MSH3: variants seen among roughly 807,000 people sequenced by gnomAD.
MSH3 encodes DNA mismatch repair protein Msh3.
MSH3 carries 106 observed loss-of-function variants against 123.3 expected under a neutral mutation model. The ratio of observed to expected loss-of-function variants is 0.86; its 90% CI spans 0.73 to 1.01. The LOEUF is 1.01. Among genes scored for constraint, MSH3 ranks in the 50% least tolerant of loss-of-function variants. The pLI is 0.00. For synonymous variants in MSH3, 515 were observed against 481.4 expected, an observed-to-expected ratio of 1.07 and a Z score of -0.91; for missense variants, 1,459 against 1,347.6, an observed-to-expected ratio of 1.08 and a Z score of -1.29.
chr5:80,784,572 C>CT (rs2112016268), intron 17 of MSH3, among the ~76,000 whole-genome samples: 1 of 152,262 alleles, frequency 6.6e-6, no homozygotes, highest in East Asian at 1.9e-4. Flanking sequence ...CAATTACACT[C>CT]TTTAAGCCAC....
chr5:80,681,323 T>C (rs1378434103), intron 8 of MSH3, among the ~76,000 whole-genome samples: 1 of 152,104 alleles, frequency 6.6e-6, no homozygotes, highest in Non-Finnish European at 1.5e-5. Context: ...TAGGCTTCTA[T>C]ATTGTATTTT....
At chr5:80,684,173 T>C (rs941818236) in intron 8 of MSH3, among the ~76,000 whole-genome samples, 62 of 152,196 alleles carry the variant, frequency 4.1e-4, no homozygotes, top group African/African-American at 1.4e-3. Flanking sequence ...TCTGAGTCTT[T>C]CGTTGCTCAT....
At chr5:80,659,375 C>T (rs988171211) in intron 2 of MSH3, among the ~76,000 whole-genome samples, 4 of 152,172 alleles carry the variant, frequency 2.6e-5, no homozygotes, top group African/African-American at 7.2e-5. Context: ...CAAAAGAAAC[C>T]CTGTGCCCAT....
At chr5:80,728,826 C>G (rs765451824) in intron 9 of MSH3, 25 bp from the exon 10 acceptor site, 1 of 1,190,298 alleles carries the variant, frequency 8.4e-7, no homozygotes. Flanking sequence ...ATTTTTATAA[C>G]AAGTTAATAT....
intron 20 of MSH3, among the ~76,000 whole-genome samples, chr5:80,821,582 A>G (rs1202930789): frequency 6.6e-6 from 1 of 152,234 alleles, no homozygotes; most frequent in Non-Finnish European, 1.5e-5. Flanking sequence ...CAGATTATAG[A>G]GATTTAAATA....
chr5:80,709,949 T>C (rs939101396), intron 8 of MSH3, among the ~76,000 whole-genome samples: 4 of 152,204 alleles, frequency 2.6e-5, no homozygotes, highest in African/African-American at 9.6e-5. Context: ...AATTTGTGGC[T>C]ACTGAAAATA....
chr5:80,690,597 G>A (rs1191610240), intron 8 of MSH3, among the ~76,000 whole-genome samples: 6 of 152,110 alleles, frequency 3.9e-5, no homozygotes, highest in Non-Finnish European at 1.5e-5. Flanking sequence ...GATTACAGAC[G>A]TGAGCCACTG....
chr5:80,769,431 T>C (rs946404512), intron 15 of MSH3, among the ~76,000 whole-genome samples: 1 of 151,928 alleles, frequency 6.6e-6, no homozygotes, highest in African/African-American at 2.4e-5. Context: ...AGAGTATAGC[T>C]GCTAAAAAAA....
At chr5:80,773,996 G>A (rs1178279158) in intron 15 of MSH3, among the ~76,000 whole-genome samples, 1 of 152,108 alleles carries the variant, frequency 6.6e-6, no homozygotes, top group Non-Finnish European at 1.5e-5. Flanking sequence ...TTAAACTCCT[G>A]ACCTCAGGTA....
chr5:80,721,682 G>A (rs1323775120), intron 8 of MSH3, among the ~76,000 whole-genome samples: 1 of 152,110 alleles, frequency 6.6e-6, no homozygotes, highest in Non-Finnish European at 1.5e-5. Flanking sequence ...GTGGGTTTTA[G>A]TTTGGTTATT....
chr5:80,669,497 G>C lies in MSH3; in HGVS notation c.580-600G>C, dbSNP rs3822707. Among the ~76,000 whole-genome samples the C allele has an allele frequency of 1.2e-4, 19 of 152,348 alleles. No homozygotes were observed. The East Asian group carries it at 3.7e-3, about 29-fold the overall frequency. On this transcript the variant is annotated intron_variant, in intron 3 of 23. Coordinates refer to ENST00000265081, the MANE Select transcript of MSH3 (RefSeq NM_002439.5). ...ATTATGGTTCCTCACAGAAAGGTAA[G>C]AATAGTAGGAGTACTAATGTTGAAA...
At chr5:80,781,845 A>G (rs1244438604) in intron 17 of MSH3, among the ~76,000 whole-genome samples, 1 of 152,034 alleles carries the variant, frequency 6.6e-6, no homozygotes, top group East Asian at 1.9e-4. Context: ...TGGGCCTTCT[A>G]CTAGGTTGAC....
At chr5:80,850,785 G>A (rs1745818609) in intron 20 of MSH3, among the ~76,000 whole-genome samples, 1 of 152,070 alleles carries the variant, frequency 6.6e-6, no homozygotes, top group South Asian at 2.1e-4. Context: ...CTTCCTCTAT[G>A]GTACTTGTTC....
chr5:80,680,032 C>T (rs944831001), intron 8 of MSH3, among the ~76,000 whole-genome samples: 4 of 151,838 alleles, frequency 2.6e-5, no homozygotes, highest in African/African-American at 4.8e-5. Context: ...GAGGCTGAGG[C>T]GGGTGGATCA....
intron 12 of MSH3, among the ~76,000 whole-genome samples, chr5:80,751,605 C>T (rs140348635): frequency 1.2e-4 from 18 of 152,288 alleles, no homozygotes; most frequent in African/African-American, 4.3e-4. Context: ...TGATCTCTGC[C>T]TTCATGGTTA....
At chr5:80,799,500 CTTTTTTTTTTTTTTTT>C (rs746348952) in intron 19 of MSH3, among the ~76,000 whole-genome samples, 16 of 32,324 alleles carry the variant, frequency 4.9e-4, no homozygotes, top group South Asian at 2.0e-3. Flanking sequence ...GAAGATAGCA[CTTTTTTTTTTTTTTTT>C]TTTTTTTTTT....
intron 8 of MSH3, among the ~76,000 whole-genome samples, chr5:80,692,592 G>C (rs182577301): frequency 7.1e-6 from 1 of 139,906 alleles, no homozygotes; most frequent in Non-Finnish European, 1.5e-5. Context: ...AGATAAACAT[G>C]TATATGTTTA....
At chr5:80,710,315 C>T (rs983677791) in intron 8 of MSH3, among the ~76,000 whole-genome samples, 1 of 152,214 alleles carries the variant, frequency 6.6e-6, no homozygotes, top group African/African-American at 2.4e-5. Context: ...CTATGTCATA[C>T]AGCCTCTCAG....
At chr5:80,678,892 T>A in intron 7 of MSH3, 35 bp from the exon 8 acceptor site, 2 of 1,612,582 alleles carry the variant, frequency 1.2e-6, no homozygotes, top group Middle Eastern at 1.7e-4. Context: ...GGAAATACAT[T>A]TTTTCTGTAA....
Sources: allele counts gnomAD v4.1 joint callset (sites outside exome capture counted in the v4.1 genomes callset), GRCh38; gene constraint gnomAD v4.1.1; transcripts MANE v1.5; gene names NCBI Gene and HGNC (gene_info 2026-07-23, HGNC 2026-07-21).